Variants in DPP6 observed in about 807,000 individuals in gnomAD.
The protein encoded by DPP6 is dipeptidyl peptidase like 6.
DPP6 carries 69 observed loss-of-function variants against 122.6 expected under a neutral mutation model. The ratio of observed to expected loss-of-function variants is 0.56; its 90% confidence interval spans 0.46 to 0.69. The LOEUF (loss-of-function observed/expected upper bound fraction) is 0.69. Among genes scored for constraint, DPP6 ranks in the 30% least tolerant of loss-of-function variants. The pLI, the probability that DPP6 is intolerant of heterozygous loss-of-function variation, is 0.00. For missense variants in DPP6, 928 were observed against 1,116.9 expected, an observed-to-expected ratio of 0.83 and a Z score of 2.41; for synonymous variants, 418 against 433.1, an observed-to-expected ratio of 0.97 and a Z score of 0.43.
Position 154,656,879 on chromosome 7 carries a change from A to AGGCTGCGTGGG in DPP6, c.681-12481_681-12480insGGCTGCGTGGG, listed in dbSNP as rs1486017135. On this transcript the variant is annotated intron_variant, in intron 6 of 25. Coordinates refer to ENST00000377770, the MANE Select transcript of DPP6 (RefSeq NM_130797.4). The stretch of plus-strand genomic sequence containing the variant: ...AGGAGGTGCCCAGTGATGGGTGGAG[A>AGGCTGCGTGGG]AGCTGCGTGGGAGGAGGTGCTCATG... 1.9e-5 allele frequency among the ~76,000 whole-genome samples: 2 copies of AGGCTGCGTGGG among 107,500 alleles called. 1 individual carries two copies. Among genetic ancestry groups the AGGCTGCGTGGG allele is most frequent in the Admixed American group, 2.0e-4 (2 of 10,248 alleles). The allele number at this position is 107,500 out of a possible 152,430, so 70.5% of individuals were successfully genotyped here.
At chr7:154,641,884 T>C (rs1300695539) in intron 6 of DPP6, among the ~76,000 whole-genome samples, 1 of 152,198 alleles carries the variant, frequency 6.6e-6, no homozygotes, top group Non-Finnish European at 1.5e-5. Context: ...TGACTGGCCA[T>C]GTTCTGTGGA....
intron 7 of DPP6, among the ~76,000 whole-genome samples, chr7:154,695,241 C>A (rs1840152899): frequency 6.6e-6 from 1 of 152,254 alleles, no homozygotes; most frequent in African/African-American, 2.4e-5. Context: ...CCCCGGGTAC[C>A]TGGACCACAG....
chr7:154,882,603 C>T (rs1339700197), intron 21 of DPP6, among the ~76,000 whole-genome samples: 2 of 152,210 alleles, frequency 1.3e-5, no homozygotes, highest in Non-Finnish European at 2.9e-5. Flanking sequence ...AGCAGCCACC[C>T]TGCACCCAGA....
At position 154,062,931 on chromosome 7, in the gene DPP6, G is replaced by A. The variant is rs1275088321; in HGVS notation, c.243+9868G>A. ...CCCACCTGGAGGACTGTGGGTGTTA[G>A]TTGTCCAGGTAGAAATTTCAAATCT... On this transcript the variant is annotated intron_variant, in intron 1 of 25. Coordinates refer to ENST00000377770, the MANE Select transcript of DPP6 (RefSeq NM_130797.4). Among the ~76,000 whole-genome samples the A allele has an allele frequency of 1.5e-5, 2 of 134,744 alleles. 1 individual carries two copies. The highest frequency in any genetic ancestry group is 3.3e-5 in the Non-Finnish European group (2 of 61,348). The allele number at this position is 134,744 out of a possible 152,430, so 88.4% of individuals were successfully genotyped here. A position where few individuals can be genotyped will look rare whatever the true frequency, so the allele number is the denominator to read the frequency against.
At chr7:154,806,458 C>T (rs776406506) in intron 15 of DPP6, among the ~76,000 whole-genome samples, 9 of 152,108 alleles carry the variant, frequency 5.9e-5, no homozygotes, top group Non-Finnish European at 7.3e-5. Context: ...GAGTGGGAAG[C>T]GCGAGCTCTC....
chr7:154,060,283 A>T (rs540731079), intron 1 of DPP6, among the ~76,000 whole-genome samples: 8 of 117,180 alleles, frequency 6.8e-5, no homozygotes, highest in South Asian at 2.9e-4. Flanking sequence ...AGGGACTGAG[A>T]GGCAATCCCT....
chr7:154,115,645 C>T (rs1806931064), intron 1 of DPP6, among the ~76,000 whole-genome samples: 1 of 152,182 alleles, frequency 6.6e-6, no homozygotes, highest in Non-Finnish European at 1.5e-5. Context: ...GACACTTGTA[C>T]TTGTTGCGGT....
intron 17 of DPP6, among the ~76,000 whole-genome samples, chr7:154,862,465 C>A (rs976003995): frequency 5.9e-5 from 9 of 152,236 alleles, no homozygotes; most frequent in African/African-American, 2.2e-4. Context: ...AGACTTCAGT[C>A]CAGCATTTGG....
At chr7:154,158,166 G>T (rs1375223193) in intron 1 of DPP6, among the ~76,000 whole-genome samples, 3 of 149,534 alleles carry the variant, frequency 2.0e-5, no homozygotes, top group Non-Finnish European at 4.4e-5. Flanking sequence ...CTGAACAAGA[G>T]GTACAATATT....
chr7:154,664,198 A>G (rs527531483), intron 6 of DPP6, among the ~76,000 whole-genome samples: 22 of 140,022 alleles, frequency 1.6e-4, no homozygotes, highest in Admixed American at 1.5e-3. Context: ...AGTGTTCATA[A>G]AGTCATTGTG....
chr7:153,857,918 A>T, the DPP6 span, among the ~76,000 whole-genome samples: 970 of 152,312 alleles, frequency 6.4e-3, 5 homozygotes, highest in South Asian at 0.011. Context: ...GAAGAAATCA[A>T]TTGTATAAAA....
chr7:153,772,478 C>T, the DPP6 span, among the ~76,000 whole-genome samples: 1 of 151,450 alleles, frequency 6.6e-6, no homozygotes, highest in Non-Finnish European at 1.5e-5. Context: ...TAAACATGGG[C>T]ATAAGTAATA....
At chr7:154,677,947 T>C (rs1839019680) in intron 7 of DPP6, among the ~76,000 whole-genome samples, 1 of 152,156 alleles carries the variant, frequency 6.6e-6, no homozygotes, top group Non-Finnish European at 1.5e-5. Flanking sequence ...AGCTAAAGGA[T>C]TGTAAAGGCA....
intron 1 of DPP6, among the ~76,000 whole-genome samples, chr7:154,307,643 C>A (rs1265094015): frequency 2.0e-5 from 3 of 152,110 alleles, no homozygotes; most frequent in South Asian, 2.1e-4. Context: ...AGGTAAATAA[C>A]CTCCTAAAAT....
intron 1 of DPP6, among the ~76,000 whole-genome samples, chr7:154,213,792 G>A (rs1474203183): frequency 6.6e-6 from 1 of 152,166 alleles, no homozygotes; most frequent in East Asian, 1.9e-4. Flanking sequence ...CCGTCATGCG[G>A]TCCCTTGAGA....
At chr7:153,890,587 G>T (rs1465794710) in intron 1 of DPP6, among the ~76,000 whole-genome samples, 3 of 151,874 alleles carry the variant, frequency 2.0e-5, no homozygotes, top group Non-Finnish European at 4.4e-5. Context: ...TACAGCTAGA[G>T]GATTAAGAGA....
chr7:153,850,412 G>T, the DPP6 span, among the ~76,000 whole-genome samples: 3 of 152,138 alleles, frequency 2.0e-5, no homozygotes, highest in Non-Finnish European at 2.9e-5. Flanking sequence ...TGCAGAGCCA[G>T]CAAGGGAGCG....
At chr7:154,859,257 G>A (rs370956347) in intron 17 of DPP6, among the ~76,000 whole-genome samples, 3 of 152,256 alleles carry the variant, frequency 2.0e-5, no homozygotes, top group Non-Finnish European at 2.9e-5. Flanking sequence ...AAGCAGCAGC[G>A]CTTCCAACCC....
intron 1 of DPP6, among the ~76,000 whole-genome samples, chr7:154,213,901 G>A (rs1220670762): frequency 2.0e-5 from 3 of 152,110 alleles, no homozygotes; most frequent in African/African-American, 7.2e-5. Context: ...CCCAGCCAGC[G>A]GCCTTCGCTT....
Sources: gnomAD v4.1 joint callset for allele counts (sites outside exome capture counted in the v4.1 genomes callset) on GRCh38, gnomAD v4.1.1 for gene constraint, MANE v1.5 for transcripts, NCBI Gene and HGNC (gene_info 2026-07-23, HGNC 2026-07-21) for gene names.